The following PLXDC2 variants were observed in gnomAD, a reference collection of about 807,000 sequenced individuals.
The protein encoded by PLXDC2 is plexin domain containing 2.
PLXDC2 carries 40 observed loss-of-function variants against 68.9 expected under a neutral mutation model. The ratio of observed to expected loss-of-function variants is 0.58; its 90% CI spans 0.45 to 0.76. PLXDC2 has a LOEUF of 0.76. Ranked by LOEUF, PLXDC2 falls within the 30% of genes least tolerant of loss-of-function variation. The pLI is 0.00. For synonymous variants in PLXDC2, 243 were observed against 234.2 expected (o/e 1.04, Z -0.34); for missense variants, 644 against 661.9 (o/e 0.97, Z 0.30).
chr10:20,181,614 C>T (rs1345257056), intron 9 of PLXDC2, among the ~76,000 whole-genome samples: 2 of 151,910 alleles, frequency 1.3e-5, no homozygotes, highest in South Asian at 4.1e-4. Flanking sequence ...TTTGAATGGC[C>T]CACGCACTGG....
At chr10:20,221,774 A>T (rs1383823049) in intron 12 of PLXDC2, among the ~76,000 whole-genome samples, 1 of 152,206 alleles carries the variant, frequency 6.6e-6, no homozygotes, top group Non-Finnish European at 1.5e-5. Flanking sequence ...TTGAGGTAAT[A>T]ATGAATAAGT....
intron 12 of PLXDC2, among the ~76,000 whole-genome samples, chr10:20,222,488 C>T (rs762511858): frequency 6.6e-6 from 1 of 152,142 alleles, no homozygotes; most frequent in Non-Finnish European, 1.5e-5. Flanking sequence ...CCAGTTAGAG[C>T]CTCTTAAAGT....
At chr10:20,216,149 G>A (rs890815005) in intron 10 of PLXDC2, among the ~76,000 whole-genome samples, 1 of 152,054 alleles carries the variant, frequency 6.6e-6, no homozygotes, top group Admixed American at 6.6e-5. Context: ...GATGCTTGAA[G>A]CTACTGAAAT....
rs56921191 is a variant in PLXDC2, at chr10:19,890,676, CTTTTTTTTTTTTTTTT to C, written c.112+73499_112+73514del. Among the ~76,000 whole-genome samples the C allele has an allele frequency of 5.2e-3, 320 of 61,160 alleles. 4 individuals are homozygous for C. Among genetic ancestry groups the C allele is most frequent in the African/African-American group, 0.019 (303 of 15,544 alleles). 40.1% of individuals were successfully genotyped at this position (61,160 alleles called of 152,430 possible). A position where few individuals can be genotyped will look rare whatever the true frequency, so the allele number is the denominator to read the frequency against. ...AGGCGTGAGCCACCGCGCCCGGCTGCTTTTTTTTTTTTTTTTTTTTTTTTTTTTTAAATCAAGAACG... is the reference window on the plus strand; with the variant it reads ...AGGCGTGAGCCACCGCGCCCGGCTGCTTTTTTTTTTTTTAAATCAAGAACG... On this transcript the variant is annotated intron_variant, in intron 1 of 13. Coordinates refer to ENST00000377252, the MANE Select transcript of PLXDC2 (RefSeq NM_032812.9).
chr10:19,830,391 C>A (rs1442534136), intron 1 of PLXDC2, among the ~76,000 whole-genome samples: 8 of 152,228 alleles, frequency 5.3e-5, no homozygotes, highest in African/African-American at 1.9e-4. Context: ...ATGTAATCAA[C>A]AGTTTGTTTC....
At chr10:19,825,371 C>G (rs1480626079) in intron 1 of PLXDC2, among the ~76,000 whole-genome samples, 1 of 152,132 alleles carries the variant, frequency 6.6e-6, no homozygotes, top group African/African-American at 2.4e-5. Context: ...AGTCAATTCT[C>G]TATGTATTCC....
chr10:19,983,982 G>A (rs981478759), intron 1 of PLXDC2, among the ~76,000 whole-genome samples: 3 of 152,160 alleles, frequency 2.0e-5, no homozygotes, highest in Non-Finnish European at 1.5e-5. Context: ...CAAACTATAG[G>A]GTGATACGTC....
At chr10:20,016,995 T>A (rs1835223251) in intron 2 of PLXDC2, among the ~76,000 whole-genome samples, 1 of 152,192 alleles carries the variant, frequency 6.6e-6, no homozygotes, top group African/African-American at 2.4e-5. Flanking sequence ...AGGTGGCTGT[T>A]TTTACCTACT....
intron 3 of PLXDC2, among the ~76,000 whole-genome samples, chr10:20,048,432 G>T (rs1035081336): frequency 6.6e-6 from 1 of 151,702 alleles, no homozygotes; most frequent in African/African-American, 2.4e-5. Context: ...GACAGATTTA[G>T]AAATAATTCA....
chr10:19,861,883 A>G (rs1024952849), intron 1 of PLXDC2, among the ~76,000 whole-genome samples: 2 of 152,214 alleles, frequency 1.3e-5, no homozygotes, highest in Non-Finnish European at 2.9e-5. Context: ...AGCTACATCA[A>G]GATCCTGGTC....
intron 1 of PLXDC2, among the ~76,000 whole-genome samples, chr10:19,999,488 C>G (rs940398492): frequency 1.4e-5 from 2 of 145,694 alleles, no homozygotes; most frequent in Non-Finnish European, 3.0e-5. Context: ...TTTTTTTTAT[C>G]TGGAATCATT....
chr10:20,105,645 G>C (rs1447207818), intron 4 of PLXDC2, among the ~76,000 whole-genome samples: 1 of 152,088 alleles, frequency 6.6e-6, no homozygotes, highest in East Asian at 1.9e-4. Flanking sequence ...CTCTCCTCCT[G>C]CCCCCTACCC....
intron 1 of PLXDC2, among the ~76,000 whole-genome samples, chr10:19,872,977 AC>A (rs1837568708): frequency 6.6e-6 from 1 of 152,182 alleles, no homozygotes; most frequent in Non-Finnish European, 1.5e-5. Context: ...TCAAATGATT[AC>A]AAAACTCCTA....
At chr10:20,261,070 G>A (rs1218941675) in intron 13 of PLXDC2, among the ~76,000 whole-genome samples, 8 of 152,096 alleles carry the variant, frequency 5.3e-5, no homozygotes, top group Non-Finnish European at 1.2e-4. Flanking sequence ...AGTTGTGTGA[G>A]TTCCTTATAT....
Position 20,027,491 on chromosome 10 carries a change from C to T in PLXDC2, c.325-19378C>T, listed in dbSNP as rs529629680. Reference sequence around the variant, plus strand: ...GTACCTTGATCTTGGACTTTGTAGCCTCCAGAACTGTGAGAAAATGAATTT... The same window carrying T: ...GTACCTTGATCTTGGACTTTGTAGCTTCCAGAACTGTGAGAAAATGAATTT... On this transcript the variant is annotated intron_variant, in intron 2 of 13. Coordinates refer to ENST00000377252, the MANE Select transcript of PLXDC2 (RefSeq NM_032812.9). Among the ~76,000 whole-genome samples the T allele has an allele frequency of 3.4e-4, 52 of 152,152 alleles. No homozygotes were observed. In the South Asian group the frequency reaches 6.9e-3, roughly 20 times the overall value.
At chr10:20,080,588 G>C (rs1175375468) in intron 4 of PLXDC2, among the ~76,000 whole-genome samples, 5 of 152,186 alleles carry the variant, frequency 3.3e-5, no homozygotes, top group African/African-American at 1.2e-4. Flanking sequence ...CAGCAAGTCA[G>C]CTTCTCCCAC....
rs1256577412 is a variant in PLXDC2 at position 20,280,409 on chromosome 10, A to G, written c.*590A>G. On this transcript the variant is annotated 3_prime_UTR_variant, in exon 14 of 14. Coordinates refer to ENST00000377252, the MANE Select transcript of PLXDC2 (RefSeq NM_032812.9). ...TTTCTGGTCTAGATCCATCTGTACC[A>G]ACAAGTTCATCACTTTACAGAACGA... 6.6e-6 allele frequency: 1 copy of G among 152,356 alleles called. No homozygotes were observed. The highest frequency in any genetic ancestry group is 6.5e-5 in the Admixed American group (1 of 15,278). 9.4% of individuals were successfully genotyped at this position (152,356 alleles called of 1,614,324 possible). A position where few individuals can be genotyped will look rare whatever the true frequency, so the allele number is the denominator to read the frequency against.
At chr10:20,016,687 G>T (rs1183345931) in intron 2 of PLXDC2, among the ~76,000 whole-genome samples, 2 of 152,174 alleles carry the variant, frequency 1.3e-5, no homozygotes, top group African/African-American at 4.8e-5. Flanking sequence ...AACCACCCTT[G>T]TCTACTATAG....
Position 20,288,820 on chromosome 10 carries a change from A to T in PLXDC2, c.*9001A>T, listed in dbSNP as rs1052185915. ...GTTTGATAAGAAATTTAGTGTATTG[A>T]CTGCCTCAGTGACACAATTTATCTT... On this transcript the variant is annotated 3_prime_UTR_variant, in exon 14 of 14. Coordinates refer to ENST00000377252, the MANE Select transcript of PLXDC2 (RefSeq NM_032812.9). 8.5e-5 allele frequency: 13 copies of T among 152,108 alleles called. No individual in the cohort carries two copies. The highest frequency in any genetic ancestry group is 3.1e-4 in the African/African-American group (13 of 41,412). The allele number at this position is 152,108 out of a possible 1,614,324, so 9.4% of individuals were successfully genotyped here.
Sources: allele counts gnomAD v4.1 joint callset (sites outside exome capture counted in the v4.1 genomes callset), GRCh38; gene constraint gnomAD v4.1.1; transcripts MANE v1.5; gene names NCBI Gene and HGNC (gene_info 2026-07-23, HGNC 2026-07-21).